VLDLR: variants seen among roughly 807,000 people sequenced by gnomAD.
VLDLR encodes very low density lipoprotein receptor, also known as very low-density lipoprotein receptor.
In VLDLR, 81 loss-of-function variants were observed where a neutral mutation model predicts 112.7. The observed-to-expected ratio is 0.72, with a 90% confidence interval of 0.60 to 0.86. VLDLR has a LOEUF of 0.86. Among genes scored for constraint, VLDLR ranks in the 40% least tolerant of loss-of-function variants. The probability of loss-of-function intolerance (pLI) is 0.00; values close to 1 mark genes in which losing one functional copy is unlikely to be tolerated. For missense variants in VLDLR, 1,237 were observed against 1,099.4 expected (o/e 1.13, Z -1.77); for synonymous variants, 436 against 384.8 (o/e 1.13, Z -1.56).
intron 10 of VLDLR, among the ~76,000 whole-genome samples, chr9:2,646,059 C>G (rs571342210): frequency 1.4e-4 from 21 of 151,932 alleles, no homozygotes; most frequent in African/African-American, 5.1e-4. Flanking sequence ...TTAATGGGAA[C>G]TATAGAAACT....
At chr9:2,640,384 C>G (rs145082171) in intron 3 of VLDLR, among the ~76,000 whole-genome samples, 1 of 152,284 alleles carries the variant, frequency 6.6e-6, no homozygotes, top group African/African-American at 2.4e-5. Flanking sequence ...GCTTATCATA[C>G]TATTAAAAAG....
intron 3 of VLDLR, among the ~76,000 whole-genome samples, chr9:2,640,364 T>C (rs1212622543): frequency 6.6e-6 from 1 of 152,212 alleles, no homozygotes; most frequent in Non-Finnish European, 1.5e-5. Context: ...CAAAAGCTTT[T>C]AGAAGCACAG....
chr9:2,624,201 T>C (rs1816976468), intron 1 of VLDLR, among the ~76,000 whole-genome samples: 1 of 152,204 alleles, frequency 6.6e-6, no homozygotes, highest in African/African-American at 2.4e-5. Context: ...TGACATGCCA[T>C]GAACAATGGA....
At chr9:2,635,408 C>A in intron 1 of VLDLR, 45 bp from the exon 2 acceptor site, 1 of 1,612,944 alleles carries the variant, frequency 6.2e-7, no homozygotes, top group East Asian at 2.2e-5. Flanking sequence ...TATCTTGAAT[C>A]TATAACCAAT....
chr9:2,622,560 G>T (rs1340421472), intron 1 of VLDLR, among the ~76,000 whole-genome samples: 1 of 152,210 alleles, frequency 6.6e-6, no homozygotes, highest in African/African-American at 2.4e-5. Context: ...CTCGTTTCTC[G>T]CCCTCTTGAC....
chr9:2,643,030 A>G, intron 4 of VLDLR, 130 bp from the exon 5 acceptor site: 2 of 1,393,182 alleles, frequency 1.4e-6, no homozygotes, highest in Non-Finnish European at 2.0e-6. Context: ...ATTTAACTCC[A>G]TTGTAGCCTT....
At chr9:2,633,049 A>AGTGT (rs1258054088) in intron 1 of VLDLR, among the ~76,000 whole-genome samples, 5,260 of 106,818 alleles carry the variant, frequency 0.049, 76 homozygotes, top group Middle Eastern at 0.11. Flanking sequence ...AGAGAGAGAG[A>AGTGT]GAGTGTGTGT....
At chr9:2,635,938 G>A (rs1269610128) in intron 2 of VLDLR, among the ~76,000 whole-genome samples, 2 of 142,116 alleles carry the variant, frequency 1.4e-5, no homozygotes, top group Non-Finnish European at 3.0e-5. Context: ...AAGAAGGCAA[G>A]CCATGGACAT....
rs1367175090 is a variant in VLDLR, at chr9:2,655,335, C to T, written c.*1467C>T. The T allele has an allele frequency of 6.6e-6, 1 of 152,100 alleles. No individual in the cohort carries two copies. The highest frequency in any genetic ancestry group is 6.5e-5 in the Admixed American group (1 of 15,272). The allele number at this position is 152,100 out of a possible 1,614,324, so 9.4% of individuals were successfully genotyped here. ...TTTCCATCAGGTTGGCCATTACTTTCTTTCTCTAAAGTCTCAGGATGTCTG... is the reference window on the plus strand; with the variant it reads ...TTTCCATCAGGTTGGCCATTACTTTTTTTCTCTAAAGTCTCAGGATGTCTG... On this transcript the variant is annotated 3_prime_UTR_variant, in exon 19 of 19. Coordinates refer to ENST00000382100, the MANE Select transcript of VLDLR (RefSeq NM_003383.5).
chr9:2,639,471 C>A (rs1457794153), intron 2 of VLDLR, among the ~76,000 whole-genome samples: 2 of 152,106 alleles, frequency 1.3e-5, no homozygotes, highest in African/African-American at 4.8e-5. Context: ...CTACTATGAT[C>A]CAGTCAGAAG....
chr9:2,652,898 C>A lies in VLDLR; in HGVS notation c.2535C>A (p.Leu845=), dbSNP rs1168243011. The change falls in exon 18 of 19, where the codon CTC becomes CTA. Residue 845 remains leucine, a synonymous_variant. Transcript: ENST00000382100. ...ACTTGAAAACCACTGAAGAGGACCT[C>A]TCCATAGACATTGGTAGACACAGTG... ...PVYLKTTEED[L]SIDIGRHSAS... The A allele has an allele frequency of 1.2e-6, 2 of 1,614,118 alleles. No homozygotes were observed. The highest frequency in any genetic ancestry group is 8.5e-7 in the Non-Finnish European group (1 of 1,179,996).
Position 2,643,739 on chromosome 9 carries a change from A to G in VLDLR, c.932A>G (p.Asn311Ser), listed in dbSNP as rs770276382. ...TGTGTCGATGGTTCCGATGAAGTCA[A>G]CTGCAAAAATGGTAAGGGTTTCTTC... is the stretch of plus-strand genomic sequence containing the variant. ...RDCVDGSDEVNCKNVNQCLGP... is the reference protein window; with the variant it reads ...RDCVDGSDEVSCKNVNQCLGP... The change falls in exon 6 of 19, where the codon AAC becomes AGC. Residue 311 changes from asparagine to serine, a missense_variant. Asn to Ser is a conservative substitution (Grantham distance 46). Coordinates refer to ENST00000382100, the MANE Select transcript of VLDLR (RefSeq NM_003383.5). 2.0e-5 allele frequency: 33 copies of G among 1,614,218 alleles called. No individual in the cohort carries two copies. The South Asian group carries it at 3.2e-4, about 16-fold the overall frequency.
intron 2 of VLDLR, among the ~76,000 whole-genome samples, chr9:2,637,033 G>T (rs1156756890): frequency 6.6e-6 from 1 of 152,076 alleles, no homozygotes; most frequent in Non-Finnish European, 1.5e-5. Context: ...AGGAGAGTTT[G>T]GCAAAGAAAA....
rs1030093177 is a variant in VLDLR, at chr9:2,659,037, G to A, written c.*5169G>A. On this transcript the variant is annotated 3_prime_UTR_variant, in exon 19 of 19. Transcript: ENST00000382100. ...TCCTAGGACATGGAAACAAATATTT[G>A]GGAGCCTGCATAGTCTTTAGATGGC... The A allele has an allele frequency of 2.0e-5, 3 of 152,070 alleles. No individual in the cohort carries two copies. The highest frequency in any genetic ancestry group is 2.0e-4 in the Admixed American group (3 of 15,254). 9.4% of individuals were successfully genotyped at this position (152,070 alleles called of 1,614,324 possible).
At chr9:2,642,801 A>C (rs1817884494) in intron 4 of VLDLR, among the ~76,000 whole-genome samples, 1 of 152,230 alleles carries the variant, frequency 6.6e-6, no homozygotes, top group Non-Finnish European at 1.5e-5. Flanking sequence ...AAGATCTGAC[A>C]AGCAGTATGT....
intron 15 of VLDLR, among the ~76,000 whole-genome samples, chr9:2,650,828 G>A (rs1459534764): frequency 6.6e-6 from 1 of 152,194 alleles, no homozygotes; most frequent in Non-Finnish European, 1.5e-5. Flanking sequence ...CTCAAAAGGA[G>A]GAGGACAGAA....
At chr9:2,651,644 C>T (rs1818347397) in intron 16 of VLDLR, 146 bp downstream of exon 16, 2 of 906,208 alleles carry the variant, frequency 2.2e-6, no homozygotes, top group South Asian at 1.6e-5. Flanking sequence ...TTAAAACTTG[C>T]ATATCTTTTC....
chr9:2,649,935 G>A (rs1243200690), intron 14 of VLDLR, among the ~76,000 whole-genome samples: 2 of 152,112 alleles, frequency 1.3e-5, no homozygotes, highest in African/African-American at 4.8e-5. Flanking sequence ...CACTTGGCTG[G>A]TTCTATCTAA....
chr9:2,641,509 T>C lies in VLDLR; in HGVS notation c.448+10T>C. On this transcript the variant is annotated intron_variant, in intron 4 of 18. Coordinates refer to ENST00000382100, the MANE Select transcript of VLDLR (RefSeq NM_003383.5). ...GATGAAGAAAACTGTGGTAAGAAGA[T>C]CAGTGTTGAGTGACGTAACCCAAAG... 1 of 1,614,042 alleles carries C rather than the reference T, an allele frequency of 6.2e-7. No individual in the cohort carries two copies. Among genetic ancestry groups the C allele is most frequent in the Non-Finnish European group, 8.5e-7 (1 of 1,179,982 alleles).
Sources: gnomAD v4.1 joint callset for allele counts (sites outside exome capture counted in the v4.1 genomes callset) on GRCh38, gnomAD v4.1.1 for gene constraint, MANE v1.5 for transcripts, NCBI Gene and HGNC (gene_info 2026-07-23, HGNC 2026-07-21) for gene names.